Variants in ROS1 observed in about 807,000 individuals in gnomAD.
The protein encoded by ROS1 is ROS proto-oncogene 1, receptor tyrosine kinase, also known as proto-oncogene tyrosine-protein kinase ROS.
Under a neutral mutation model 273.5 loss-of-function variants are expected in ROS1, and 263 were observed. That is an observed-to-expected ratio of 0.96 (90% CI 0.87 to 1.06). The LOEUF (loss-of-function observed/expected upper bound fraction) is 1.06. Ranked by LOEUF, ROS1 falls within the 50% of genes least tolerant of loss-of-function variation. The pLI is 0.00. For missense variants in ROS1, 2,833 were observed against 2,751.1 expected (o/e 1.03, Z -0.67); for synonymous variants, 1,008 against 954.1 (o/e 1.06, Z -1.04).
intron 32 of ROS1, among the ~76,000 whole-genome samples, chr6:117,331,919 A>G (rs1389681814): frequency 6.6e-6 from 1 of 152,214 alleles, no homozygotes; most frequent in East Asian, 1.9e-4. Context: ...GACACTATGA[A>G]GAAACTGCAT....
chr6:117,299,017 C>A (rs1032434277), intron 43 of ROS1, among the ~76,000 whole-genome samples: 1 of 151,712 alleles, frequency 6.6e-6, no homozygotes, highest in Non-Finnish European at 1.5e-5. Context: ...AGAGAGCCCC[C>A]CAAAAGGATG....
rs1174331267 is a variant in ROS1 at position 117,393,204 on chromosome 6, T to C, written c.1289+20A>G. On this transcript the variant is annotated intron_variant, in intron 12 of 43. Transcript: ENST00000368507. ...TATTCCCAATGGAAGAGAATTCATC[T>C]TTACAAGGCTAACACATACCCATTG... 2 of 1,360,282 alleles carry C rather than the reference T, an allele frequency of 1.5e-6. No homozygotes were observed. Among genetic ancestry groups the C allele is most frequent in the South Asian group, 2.4e-5 (2 of 83,878 alleles). 84.3% of individuals were successfully genotyped at this position (1,360,282 alleles called of 1,614,324 possible). A position where few individuals can be genotyped will look rare whatever the true frequency, so the allele number is the denominator to read the frequency against.
In ROS1 at chr6:117,362,735, T is replaced by C. The variant is rs746256043; in HGVS notation, c.3234A>G (p.Glu1078=). ...TTTGATTGGATATATTGTAGAAAAT[T>C]TCAAATTTTGTTAACACCCCATTTT... ...KHENGVLTKF[E]IFYNISNQSI... Residue 1078 remains glutamate (E), a synonymous_variant, in exon 22 of 44, where the codon GAA becomes GAG. Transcript: ENST00000368507. The C allele has an allele frequency of 5.0e-6, 8 of 1,613,818 alleles. No individual in the cohort carries two copies. The South Asian group carries it at 7.7e-5, about 16-fold the overall frequency.
In ROS1 at chr6:117,416,295, C is replaced by T. The variant is rs1219188453; in HGVS notation, c.191G>A (p.Trp64Ter). Residue 64 changes from tryptophan (W) to a stop codon, truncating the protein, a stop_gained, in exon 3 of 44, where the codon TGG (tryptophan) becomes TAG (stop). Transcript: ENST00000368507. LOFTEE classifies it high-confidence loss of function. ...SEPCIQGCHF[W>*]NSVDQKNCAL... is the part of the protein sequence containing the mutation. ...ACAGTTTTTCTGATCTACAGAGTTC[C>T]AAAAGTGACATCCTTGGATACACTG... 2 of 1,601,360 alleles carry T rather than the reference C, an allele frequency of 1.2e-6. No individual in the cohort carries two copies. Among genetic ancestry groups the T allele is most frequent in the East Asian group, 2.2e-5 (1 of 44,842 alleles).
Position 117,388,911 on chromosome 6 carries a change from G to A in ROS1, c.1786+439C>T, listed in dbSNP as rs114007639. ...TAACAAATGGCAAGTATTTGAATCCGTGCAGGCTGACTCCAGAGCCCACCT... is the reference window on the plus strand; with the variant it reads ...TAACAAATGGCAAGTATTTGAATCCATGCAGGCTGACTCCAGAGCCCACCT... On this transcript the variant is annotated intron_variant, in intron 13 of 43. Transcript: ENST00000368507. 8.6e-3 allele frequency among the ~76,000 whole-genome samples: 1,315 copies of A among 152,202 alleles called. 19 individuals are homozygous for A. Among genetic ancestry groups the A allele is most frequent in the African/African-American group, 0.03 (1,233 of 41,516 alleles).
At chr6:117,365,825 A>T in intron 19 of ROS1, 84 bp from the exon 20 acceptor site, 1 of 1,083,808 alleles carries the variant, frequency 9.2e-7, no homozygotes, top group Non-Finnish European at 1.3e-6. Flanking sequence ...ATCAATAGCA[A>T]TTACTAATAA....
chr6:117,337,095 C>T lies in ROS1; in HGVS notation c.5230+77G>A, dbSNP rs534059432. 1.1e-4 allele frequency: 119 copies of T among 1,119,626 alleles called. 1 individual carries two copies. In the South Asian group the frequency reaches 1.7e-3, roughly 16 times the overall value. The allele number at this position is 1,119,626 out of a possible 1,614,324, so 69.4% of individuals were successfully genotyped here. On this transcript the variant is annotated intron_variant, in intron 32 of 43. Coordinates refer to ENST00000368507, the MANE Select transcript of ROS1 (RefSeq NM_001378902.1). ...TTTTAAAGAACAATTTCATATATCT[C>T]TAGGATTAGTGAAATAAGTGATAAG...
chr6:117,420,477 G>A (rs1775669169), intron 1 of ROS1, among the ~76,000 whole-genome samples: 1 of 150,668 alleles, frequency 6.6e-6, no homozygotes, highest in South Asian at 2.1e-4. Context: ...TATACCTAAT[G>A]CTAAATGACG....
chr6:117,336,765 C>T (rs761631045), intron 32 of ROS1, among the ~76,000 whole-genome samples: 10 of 152,024 alleles, frequency 6.6e-5, no homozygotes, highest in Non-Finnish European at 1.2e-4. Flanking sequence ...GAGCTCATCT[C>T]AGAGTTAAGG....
In ROS1 at chr6:117,389,728, T is replaced by C. The variant is rs61729671; in HGVS notation, c.1408A>G (p.Lys470Glu). ...TAAATGATTCGCTTGGCTTGTGGCT[T>C]GATTGCAAAGTCCTTTAACGTGCAA... ...ESCTLKDFAIKPQAKRIIYFN... is the reference protein window; with the variant it reads ...ESCTLKDFAIEPQAKRIIYFN... Residue 470 changes from lysine (K) to glutamate (E), a missense_variant, in exon 13 of 44, where the codon AAG (lysine) becomes GAG (glutamate). Coordinates refer to ENST00000368507, the MANE Select transcript of ROS1 (RefSeq NM_001378902.1). 960 of 1,614,196 alleles carry C rather than the reference T, an allele frequency of 5.9e-4. 5 individuals carry two copies. The African/African-American group carries it at 0.011, about 19-fold the overall frequency.
Position 117,288,575 on chromosome 6 carries a change from C to G in ROS1, c.6943G>C (p.Val2315Leu), listed in dbSNP as rs2128520707. 6.2e-7 allele frequency: 1 copy of G among 1,614,164 alleles called. No homozygotes were observed. Among genetic ancestry groups the G allele is most frequent in the East Asian group, 2.2e-5 (1 of 44,876 alleles). Residue 2315 changes from valine (V) to leucine (L), a missense_variant, in exon 44 of 44, where the codon GTG (valine) becomes CTG (leucine). Coordinates refer to ENST00000368507, the MANE Select transcript of ROS1 (RefSeq NM_001378902.1). ...GGCTTGCCAGAAGGGCAGTAAGCCA[C>G]TTGTTTTTCTTGGCAGAAATCTTTG... ...ADKDFCQEKQ[V>L]AYCPSGKPEG...
intron 1 of ROS1, among the ~76,000 whole-genome samples, chr6:117,422,600 C>T (rs1775843361): frequency 6.6e-6 from 1 of 151,964 alleles, no homozygotes; most frequent in Non-Finnish European, 1.5e-5. Context: ...ATATACAAGA[C>T]AATTTTTCAT....
At chr6:117,358,138 G>A (rs1053038544) in intron 24 of ROS1, 129 bp from the exon 25 acceptor site, 9 of 631,734 alleles carry the variant, frequency 1.4e-5, no homozygotes, top group African/African-American at 3.7e-5. Context: ...CAGCAATCTG[G>A]ACGGTATACC....
At chr6:117,314,576 G>T (rs1031198011) in intron 39 of ROS1, among the ~76,000 whole-genome samples, 1 of 152,108 alleles carries the variant, frequency 6.6e-6, no homozygotes, top group African/African-American at 2.4e-5. Flanking sequence ...AAAAACAACA[G>T]AAACCTGAAC....
At chr6:117,299,309 T>C (rs1425147889) in intron 43 of ROS1, 5 of 152,222 alleles carry the variant, frequency 3.3e-5, no homozygotes, top group African/African-American at 1.2e-4. Context: ...TGTCTGTCCA[T>C]GGGCTTCTTG....
chr6:117,336,289 G>A (rs1777456915), intron 32 of ROS1, among the ~76,000 whole-genome samples: 1 of 152,026 alleles, frequency 6.6e-6, no homozygotes, highest in Admixed American at 6.6e-5. Context: ...AGCCCAGCAT[G>A]CATTAGCTAT....
intron 7 of ROS1, among the ~76,000 whole-genome samples, chr6:117,397,722 G>A (rs1388175029): frequency 6.6e-6 from 1 of 152,180 alleles, no homozygotes; most frequent in Non-Finnish European, 1.5e-5. Context: ...CCTGGCAAAG[G>A]ATTAAAGGAG....
At chr6:117,293,891 C>T (rs1290885311) in intron 43 of ROS1, among the ~76,000 whole-genome samples, 1 of 152,022 alleles carries the variant, frequency 6.6e-6, no homozygotes, top group South Asian at 2.1e-4. Flanking sequence ...AACACAGATG[C>T]AAAAATTCTC....
At position 117,310,097 on chromosome 6, in the gene ROS1, T is replaced by C. The variant is rs774083623; in HGVS notation, c.6400A>G (p.Thr2134Ala). 2 of 1,613,064 alleles carry C rather than the reference T, an allele frequency of 1.2e-6. No individual in the cohort carries two copies. Among genetic ancestry groups the C allele is most frequent in the Non-Finnish European group, 8.5e-7 (1 of 1,179,230 alleles). ...PESLMDGIFTTQSDVWSFGIL... is the reference protein window; with the variant it reads ...PESLMDGIFTAQSDVWSFGIL... ...TAAACTTACCATACATCAGATTGAG[T>C]AGTGAAGATTCCATCCATCAAACTT... Residue 2134 changes from threonine (T) to alanine (A), a missense_variant, in exon 41 of 44, where the codon ACT (threonine) becomes GCT (alanine). Coordinates refer to ENST00000368507, the MANE Select transcript of ROS1 (RefSeq NM_001378902.1).
Sources: allele counts gnomAD v4.1 joint callset (sites outside exome capture counted in the v4.1 genomes callset), GRCh38; gene constraint gnomAD v4.1.1; transcripts MANE v1.5; gene names NCBI Gene and HGNC (gene_info 2026-07-23, HGNC 2026-07-21).